Variants in SLC12A2 observed in about 807,000 individuals in gnomAD.
SLC12A2 encodes solute carrier family 12 member 2, also known as Na-K-2Cl cotransporter 1.
Under a neutral mutation model 136.3 loss-of-function variants are expected in SLC12A2, and 67 were observed. The observed-to-expected ratio is 0.49, with a 90% CI of 0.40 to 0.60. SLC12A2 has a LOEUF of 0.60. Ranked by LOEUF, SLC12A2 falls within the 20% of genes least tolerant of loss-of-function variation. The probability of loss-of-function intolerance (pLI) is 0.00; values close to 1 mark genes in which losing one functional copy is unlikely to be tolerated. For missense variants in SLC12A2, 1,322 were observed against 1,534.7 expected (o/e 0.86, Z 2.32); for synonymous variants, 619 against 562.9 (o/e 1.10, Z -1.41).
At chr5:128,130,655 G>A (rs736969) in intron 4 of SLC12A2, among the ~76,000 whole-genome samples, 4 of 151,784 alleles carry the variant, frequency 2.6e-5, no homozygotes, top group Non-Finnish European at 4.4e-5. Flanking sequence ...GCACTTCAGC[G>A]TGGGCGACAG....
chr5:128,104,767 G>C (rs1246604997), intron 1 of SLC12A2, among the ~76,000 whole-genome samples: 1 of 151,932 alleles, frequency 6.6e-6, no homozygotes, highest in African/African-American at 2.4e-5. Context: ...GTCTGGTACA[G>C]CTATTTGTAA....
At position 128,189,035 on chromosome 5, in the gene SLC12A2, T is replaced by TCTAA. The variant is rs898025975; in HGVS notation, c.*2408_*2411dup. 3.9e-5 allele frequency: 6 copies of TCTAA among 152,114 alleles called. No individual in the cohort carries two copies. The highest frequency in any genetic ancestry group is 1.3e-4 in the Admixed American group (2 of 15,186). 9.4% of individuals were successfully genotyped at this position (152,114 alleles called of 1,614,324 possible). ...GTGGGTATAAAGTACATAAAATATA[T>TCTAA]CTAACTATTCATAATGTGGGGTGGG... On this transcript the variant is annotated 3_prime_UTR_variant, in exon 27 of 27. Coordinates refer to ENST00000262461, the MANE Select transcript of SLC12A2 (RefSeq NM_001046.3).
intron 16 of SLC12A2, among the ~76,000 whole-genome samples, chr5:128,161,423 T>G (rs1763031446): frequency 6.6e-6 from 1 of 152,204 alleles, no homozygotes; most frequent in South Asian, 2.1e-4. Flanking sequence ...TTTGTAAGTC[T>G]GTGTTTCTTC....
At chr5:128,107,940 C>CTG (rs1761002379) in intron 1 of SLC12A2, among the ~76,000 whole-genome samples, 1 of 152,090 alleles carries the variant, frequency 6.6e-6, no homozygotes, top group African/African-American at 2.4e-5. Flanking sequence ...TCTCCAGCAT[C>CTG]TGTTGTTTCC....
intron 10 of SLC12A2, 60 bp from the exon 11 acceptor site, chr5:128,147,560 TTG>T (rs1366131717): frequency 2.0e-6 from 2 of 1,022,312 alleles, no homozygotes; most frequent in African/African-American, 1.6e-5. Flanking sequence ...CCACATAATA[TTG>T]TGTTATTTTC....
At chr5:128,089,002 C>T (rs964713736) in intron 1 of SLC12A2, among the ~76,000 whole-genome samples, 9 of 151,930 alleles carry the variant, frequency 5.9e-5, no homozygotes, top group Admixed American at 1.3e-4. Flanking sequence ...AACCCTGTCT[C>T]TACTAAAAAT....
chr5:128,166,416 A>C (rs1328214348), intron 17 of SLC12A2, among the ~76,000 whole-genome samples: 3 of 152,000 alleles, frequency 2.0e-5, no homozygotes, highest in Non-Finnish European at 4.4e-5. Flanking sequence ...AATAGCCAAA[A>C]GATAAAAACA....
chr5:128,114,544 CA>C (rs1761276436), intron 3 of SLC12A2, 41 bp from the exon 4 acceptor site: 1 of 1,341,864 alleles, frequency 7.5e-7, no homozygotes, highest in South Asian at 1.2e-5. Context: ...TGAGCTTAAA[CA>C]AGAGTGTAAG....
At chr5:128,094,572 A>C (rs1473812710) in intron 1 of SLC12A2, among the ~76,000 whole-genome samples, 2 of 151,884 alleles carry the variant, frequency 1.3e-5, no homozygotes, top group Admixed American at 1.3e-4. Context: ...TTAAATACTC[A>C]TGACAAATGT....
At chr5:128,113,023 CTT>C (rs1346066597) in intron 2 of SLC12A2, 90 bp downstream of exon 2, 4 of 1,111,590 alleles carry the variant, frequency 3.6e-6, no homozygotes, top group East Asian at 2.7e-5. Flanking sequence ...CAAGAGAACT[CTT>C]TTTTTCTCTA....
At position 128,135,492 on chromosome 5, in the gene SLC12A2, T is replaced by C. The variant is rs567860471; in HGVS notation, c.1300-208T>C. Among the ~76,000 whole-genome samples the C allele has an allele frequency of 1.4e-4, 21 of 152,170 alleles. No homozygotes were observed. The South Asian group carries it at 3.3e-3, about 24-fold the overall frequency. ...GATCTCACTTTTACTATCTTTTTTT[T>C]CCCCAGATATTTCTTTAAAGATCTC... On this transcript the variant is annotated intron_variant, in intron 6 of 26. Coordinates refer to ENST00000262461, the MANE Select transcript of SLC12A2 (RefSeq NM_001046.3).
intron 1 of SLC12A2, among the ~76,000 whole-genome samples, chr5:128,105,763 A>G (rs1172233772): frequency 6.6e-6 from 1 of 152,116 alleles, no homozygotes; most frequent in Non-Finnish European, 1.5e-5. Flanking sequence ...TGGAGACCAG[A>G]GTTTCCATCT....
chr5:128,178,759 G>T, intron 22 of SLC12A2, 70 bp downstream of exon 22: 1 of 1,247,700 alleles, frequency 8.0e-7, no homozygotes, highest in Non-Finnish European at 1.1e-6. Flanking sequence ...GAAATGACAT[G>T]CACTCTTTAC....
rs1581148062 is a variant in SLC12A2, at chr5:128,186,744, C to T, written c.*113C>T. Reference sequence around the variant, plus strand: ...ATGGCGAATGGTGACTTTTCTTTCACGATTTCATTAATTTGAAAGCACACA... The same window carrying T: ...ATGGCGAATGGTGACTTTTCTTTCATGATTTCATTAATTTGAAAGCACACA... On this transcript the variant is annotated 3_prime_UTR_variant, in exon 27 of 27. Transcript: ENST00000262461. 14 of 1,140,832 alleles carry T rather than the reference C, an allele frequency of 1.2e-5. No individual in the cohort carries two copies. Among genetic ancestry groups the T allele is most frequent in the East Asian group, 2.4e-5 (1 of 42,032 alleles). 70.7% of individuals were successfully genotyped at this position (1,140,832 alleles called of 1,614,324 possible).
intron 17 of SLC12A2, among the ~76,000 whole-genome samples, chr5:128,162,653 A>G (rs892213986): frequency 2.6e-5 from 4 of 152,226 alleles, no homozygotes; most frequent in African/African-American, 9.6e-5. Context: ...CATGTAATCA[A>G]CAAAAGATAT....
At chr5:128,153,815 A>T (rs2126725917) in intron 15 of SLC12A2, among the ~76,000 whole-genome samples, 1 of 152,192 alleles carries the variant, frequency 6.6e-6, no homozygotes, top group East Asian at 1.9e-4. Flanking sequence ...ACTCTTTTGA[A>T]TTCCCCCCTT....
Position 128,181,014 on chromosome 5 carries a change from A to G in SLC12A2, c.3212+20A>G, listed in dbSNP as rs1480350036. On this transcript the variant is annotated intron_variant, in intron 23 of 26. Coordinates refer to ENST00000262461, the MANE Select transcript of SLC12A2 (RefSeq NM_001046.3). ...GAGAGCGTAAGTTTATTTCACATTG[A>G]AGGGCATGAATCTATTAGCACTTCA... is the stretch of plus-strand genomic sequence containing the variant. The G allele has an allele frequency of 7.3e-7, 1 of 1,368,752 alleles. No individual in the cohort carries two copies. Among genetic ancestry groups the G allele is most frequent in the Middle Eastern group, 1.8e-4 (1 of 5,582 alleles). 84.8% of individuals were successfully genotyped at this position (1,368,752 alleles called of 1,614,324 possible).
intron 9 of SLC12A2, 50 bp downstream of exon 9, chr5:128,138,958 G>C (rs931649778): frequency 5.7e-6 from 7 of 1,219,868 alleles, no homozygotes; most frequent in Non-Finnish European, 4.8e-6. Flanking sequence ...CATGATGTAC[G>C]TACTATAAAT....
At chr5:128,180,414 T>A (rs983536441) in intron 22 of SLC12A2, among the ~76,000 whole-genome samples, 4 of 152,286 alleles carry the variant, frequency 2.6e-5, no homozygotes, top group Admixed American at 2.6e-4. Flanking sequence ...GAAACAAAGA[T>A]CAGGGCATTG....
Sources: allele counts gnomAD v4.1 joint callset (sites outside exome capture counted in the v4.1 genomes callset), GRCh38; gene constraint gnomAD v4.1.1; transcripts MANE v1.5; gene names NCBI Gene and HGNC (gene_info 2026-07-23, HGNC 2026-07-21).